The following MYO5A variants were observed in gnomAD, a reference collection of about 807,000 sequenced individuals.
MYO5A encodes the protein unconventional myosin-Va.
A neutral mutation model predicts 249.7 loss-of-function variants in MYO5A; 98 were observed. The ratio of observed to expected loss-of-function variants is 0.39; its 90% CI spans 0.33 to 0.46. MYO5A has a LOEUF of 0.46. MYO5A is among the 20% of genes least tolerant of loss of function. MYO5A has a pLI of 0.98. For missense variants in MYO5A, 1,696 were observed against 2,308.8 expected (o/e 0.73, Z 5.44); for synonymous variants, 778 against 810.6 (o/e 0.96, Z 0.68).
intron 1 of MYO5A, among the ~76,000 whole-genome samples, chr15:52,476,764 A>T (rs10851518): frequency 0.98 from 148,955 of 152,308 alleles, 72,932 homozygotes; most frequent in East Asian, 1. Context: ...AGAGATCTGC[A>T]GTTAGTCTGA....
chr15:52,515,477 A>G (rs2077477997), intron 1 of MYO5A, among the ~76,000 whole-genome samples: 1 of 152,188 alleles, frequency 6.6e-6, no homozygotes, highest in Admixed American at 6.5e-5. Context: ...AATAACAACA[A>G]CAATGACAGT....
intron 9 of MYO5A, among the ~76,000 whole-genome samples, chr15:52,398,105 A>C (rs955019947): frequency 6.8e-6 from 1 of 147,642 alleles, no homozygotes; most frequent in African/African-American, 2.5e-5. Flanking sequence ...AAGCTGAATG[A>C]GGGAGAAAAT....
At chr15:52,484,715 G>A (rs1293311038) in intron 1 of MYO5A, among the ~76,000 whole-genome samples, 1 of 152,060 alleles carries the variant, frequency 6.6e-6, no homozygotes. Context: ...CATGATCTCG[G>A]CTCACTGCAA....
chr15:52,473,909 T>C (rs553212475), intron 1 of MYO5A, among the ~76,000 whole-genome samples: 92 of 152,302 alleles, frequency 6.0e-4, no homozygotes, highest in African/African-American at 2.0e-3. Flanking sequence ...TTTAAAGTAG[T>C]TTTTTCCAAT....
upstream of MYO5A, chr15:52,528,976 T>C: frequency 2.8e-6 from 1 of 353,744 alleles, no homozygotes; most frequent in Non-Finnish European, 4.1e-6. Flanking sequence ...CCTCAGGCGC[T>C]GGCCGCCCGC....
rs1383245831 is a variant in MYO5A at position 52,313,241 on chromosome 15, T to A, written c.*455A>T. 5.7e-6 allele frequency: 1 copy of A among 174,270 alleles called. No individual in the cohort carries two copies. Among genetic ancestry groups the A allele is most frequent in the African/African-American group, 2.4e-5 (1 of 41,780 alleles). The allele number at this position is 174,270 out of a possible 1,614,324, so 10.8% of individuals were successfully genotyped here. ...AACATAATTGATTACTAAACTGACA[T>A]GATATGTACTCAATGGAGACTTTTC... On this transcript the variant is annotated 3_prime_UTR_variant, in exon 42 of 42. Transcript: ENST00000399233.
chr15:52,322,954 T>C (rs2038404443), intron 37 of MYO5A, among the ~76,000 whole-genome samples: 1 of 152,104 alleles, frequency 6.6e-6, no homozygotes, highest in African/African-American at 2.4e-5. Context: ...TAACATTAGG[T>C]ATATCTCCCA....
chr15:52,393,801 T>C (rs2042367557), intron 11 of MYO5A, among the ~76,000 whole-genome samples: 1 of 152,236 alleles, frequency 6.6e-6, no homozygotes, highest in African/African-American at 2.4e-5. Flanking sequence ...TCTTCTGTTC[T>C]TTTGATTAAT....
rs539951857 is a variant in MYO5A, at chr15:52,344,536, C to T, written c.3960-1339G>A. On this transcript the variant is annotated intron_variant, in intron 30 of 41. Transcript: ENST00000399233. Reference sequence around the variant, plus strand: ...TCGTCTTCTTATGTATCTTTCAAAACGTCCCATTTCTGTCAATCCTAACTG... The same window carrying T: ...TCGTCTTCTTATGTATCTTTCAAAATGTCCCATTTCTGTCAATCCTAACTG... Among the ~76,000 whole-genome samples the T allele has an allele frequency of 4.6e-5, 7 of 152,294 alleles. No homozygotes were observed. The South Asian group carries it at 1.0e-3, about 23-fold the overall frequency.
intron 40 of MYO5A, among the ~76,000 whole-genome samples, chr15:52,316,352 TCC>T (rs2038016285): frequency 6.6e-6 from 1 of 150,592 alleles, no homozygotes; most frequent in Admixed American, 6.6e-5. Context: ...GTCACTATAA[TCC>T]TCAAATGCCC....
At chr15:52,469,227 T>C (rs1265316872) in intron 1 of MYO5A, among the ~76,000 whole-genome samples, 1 of 152,198 alleles carries the variant, frequency 6.6e-6, no homozygotes, top group African/African-American at 2.4e-5. Context: ...AATTTGTGTG[T>C]AACTTTTGAC....
At chr15:52,401,116 G>C (rs898512676) in intron 9 of MYO5A, among the ~76,000 whole-genome samples, 2 of 135,088 alleles carry the variant, frequency 1.5e-5, no homozygotes, top group Admixed American at 1.4e-4. Flanking sequence ...TATCCTCCAG[G>C]CTGGAGTGCA....
chr15:52,416,559 C>A (rs1395848816), intron 4 of MYO5A, among the ~76,000 whole-genome samples: 1 of 151,792 alleles, frequency 6.6e-6, no homozygotes, highest in Non-Finnish European at 1.5e-5. Context: ...GGTGCACCAG[C>A]CCAGTCAGAT....
In MYO5A at chr15:52,387,881, T is replaced by C; in HGVS notation, c.1700A>G (p.Lys567Arg). The change falls in exon 14 of 42, where the codon AAG becomes AGG. Residue 567 changes from lysine (K) to arginine (R), a missense_variant. Physicochemically the swap from Lys to Arg is conservative, Grantham distance 26. Transcript: ENST00000399233. ...TTCTTCAAAAACGGTGTCTTTATTC[T>C]TTTCGAGAAATCCTTCACACTGGTA... ...VEYQCEGFLE[K>R]NKDTVFEEQI... The C allele has an allele frequency of 6.2e-7, 1 of 1,612,694 alleles. No individual in the cohort carries two copies. Among genetic ancestry groups the C allele is most frequent in the Non-Finnish European group, 8.5e-7 (1 of 1,179,240 alleles).
At chr15:52,418,592 G>C (rs1418036576) in intron 4 of MYO5A, among the ~76,000 whole-genome samples, 1 of 152,012 alleles carries the variant, frequency 6.6e-6, no homozygotes, top group Non-Finnish European at 1.5e-5. Flanking sequence ...AGAATTGAGA[G>C]GGTAATACCA....
At chr15:52,419,141 T>C (rs753177324) in intron 4 of MYO5A, among the ~76,000 whole-genome samples, 27 of 152,322 alleles carry the variant, frequency 1.8e-4, no homozygotes, top group Middle Eastern at 6.8e-3. Flanking sequence ...TAACCACCCA[T>C]TGAGTGTTGT....
At chr15:52,324,556 G>A (rs1226240973) in intron 36 of MYO5A, among the ~76,000 whole-genome samples, 2 of 152,094 alleles carry the variant, frequency 1.3e-5, no homozygotes, top group Non-Finnish European at 2.9e-5. Context: ...GCATCAAATG[G>A]TCTTAGAAGC....
intron 1 of MYO5A, among the ~76,000 whole-genome samples, chr15:52,522,183 T>C (rs995136282): frequency 6.6e-6 from 1 of 152,168 alleles, no homozygotes; most frequent in Non-Finnish European, 1.5e-5. Flanking sequence ...GTAAACTCCC[T>C]GAAGATGTTG....
intron 1 of MYO5A, among the ~76,000 whole-genome samples, chr15:52,468,670 T>A (rs895494545): frequency 6.6e-6 from 1 of 152,160 alleles, no homozygotes; most frequent in African/African-American, 2.4e-5. Flanking sequence ...ACCCTGTCTC[T>A]ATAAAACATA....
Sources: gnomAD v4.1 joint callset for allele counts (sites outside exome capture counted in the v4.1 genomes callset) on GRCh38, gnomAD v4.1.1 for gene constraint, MANE v1.5 for transcripts, NCBI Gene and HGNC (gene_info 2026-07-23, HGNC 2026-07-21) for gene names.